The following MRPL1 variants were observed in gnomAD, a reference collection of about 807,000 sequenced individuals.
The protein encoded by MRPL1 is mitochondrial ribosomal protein L1.
In MRPL1, 28 loss-of-function variants were observed where a neutral mutation model predicts 38.0. The observed-to-expected ratio is 0.74, with a 90% CI of 0.55 to 1.01. The LOEUF (loss-of-function observed/expected upper bound fraction) is 1.01. MRPL1 is among the 50% of genes least tolerant of loss of function. The probability of loss-of-function intolerance (pLI) is 0.00; values close to 1 mark genes in which losing one functional copy is unlikely to be tolerated. For synonymous variants in MRPL1, 123 were observed against 126.7 expected (o/e 0.97, Z 0.20); for missense variants, 358 against 389.8 (o/e 0.92, Z 0.69).
rs188253329 is a variant in MRPL1, at chr4:77,867,324, C to T, written c.32-4420C>T. Among the ~76,000 whole-genome samples, 3 of 152,222 alleles carry T rather than the reference C, an allele frequency of 2.0e-5. No individual in the cohort carries two copies. The East Asian group carries it at 5.8e-4, about 29-fold the overall frequency. On this transcript the variant is annotated intron_variant, in intron 1 of 8. Coordinates refer to ENST00000315567, the MANE Select transcript of MRPL1 (RefSeq NM_020236.4). ...TAAATGGATCATCAGAAAAATGGCC[C>T]CTTTCATGTGCTGTAATGCATAATA...
intron 1 of MRPL1, among the ~76,000 whole-genome samples, chr4:77,868,705 T>A (rs1735210600): frequency 6.6e-6 from 1 of 152,228 alleles, no homozygotes; most frequent in South Asian, 2.1e-4. Context: ...TATGAACTAG[T>A]GGAGTGGAAA....
At chr4:77,864,436 G>A (rs1735080150) in intron 1 of MRPL1, 1 of 152,080 alleles carries the variant, frequency 6.6e-6, no homozygotes, top group Admixed American at 6.6e-5. Flanking sequence ...CTCATCCAAA[G>A]TTTGTGGCTT....
At chr4:77,909,504 C>G (rs1736239021) in intron 7 of MRPL1, 132 bp downstream of exon 7, 1 of 592,708 alleles carries the variant, frequency 1.7e-6, no homozygotes, top group Non-Finnish European at 3.0e-6. Flanking sequence ...TGGCATTAAA[C>G]ATACGCATAG....
chr4:77,918,967 A>C (rs56138517), intron 7 of MRPL1, among the ~76,000 whole-genome samples: 33,736 of 152,068 alleles, frequency 0.22, 4,553 homozygotes, highest in African/African-American at 0.37. Context: ...ACCAATGTGA[A>C]ACTAAACTTT....
chr4:77,937,025 T>C (rs748582314), intron 7 of MRPL1, among the ~76,000 whole-genome samples: 4 of 151,768 alleles, frequency 2.6e-5, no homozygotes, highest in Admixed American at 6.6e-5. Flanking sequence ...CTTGAGAGGC[T>C]GAGATAGGAA....
At chr4:77,915,391 A>G (rs1374346445) in intron 7 of MRPL1, among the ~76,000 whole-genome samples, 1 of 152,182 alleles carries the variant, frequency 6.6e-6, no homozygotes, top group Non-Finnish European at 1.5e-5. Context: ...AACATTTGTC[A>G]GCAGTACTTG....
At chr4:77,863,351 A>C (rs1256820204) in intron 1 of MRPL1, among the ~76,000 whole-genome samples, 3 of 152,136 alleles carry the variant, frequency 2.0e-5, no homozygotes, top group Admixed American at 2.0e-4. Context: ...AATTTGGATC[A>C]ACGTTTATCA....
intron 1 of MRPL1, among the ~76,000 whole-genome samples, chr4:77,867,459 G>A (rs1458974430): frequency 6.6e-6 from 1 of 152,212 alleles, no homozygotes; most frequent in Non-Finnish European, 1.5e-5. Context: ...ATACAATGCT[G>A]AACAAGCTAT....
At chr4:77,889,456 A>G (rs577381139) in intron 5 of MRPL1, among the ~76,000 whole-genome samples, 6 of 152,368 alleles carry the variant, frequency 3.9e-5, no homozygotes, top group Middle Eastern at 3.4e-3. Flanking sequence ...ACAACATACC[A>G]GAATCTCTGG....
rs1362587300 is a variant in MRPL1 at position 77,882,732 on chromosome 4, T to C, written c.144-510T>C. On this transcript the variant is annotated intron_variant, in intron 2 of 8. Transcript: ENST00000315567. ...CACATTTTATGTATCCATTCATCAGTTGATAGACATTTGGGTTGTTTCTAC... is the reference window on the plus strand; with the variant it reads ...CACATTTTATGTATCCATTCATCAGCTGATAGACATTTGGGTTGTTTCTAC... Among the ~76,000 whole-genome samples, 4 of 152,242 alleles carry C rather than the reference T, an allele frequency of 2.6e-5. No individual in the cohort carries two copies. The South Asian group carries it at 8.3e-4, about 32-fold the overall frequency.
rs60528813 is a variant in MRPL1, at chr4:77,898,553, A to C, written c.670+4303A>C. Among the ~76,000 whole-genome samples the C allele has an allele frequency of 5.9e-4, 90 of 151,740 alleles. 1 individual carries two copies. The highest frequency in any genetic ancestry group is 2.1e-3 in the African/African-American group (85 of 41,364). On this transcript the variant is annotated intron_variant, in intron 6 of 8. Transcript: ENST00000315567. ...GTTGCCCAGGCTGGAGCGCAGTGGC[A>C]CATCTCGGCTCACTGCAACCTCCCC...
chr4:77,919,556 A>G (rs1056266894), intron 7 of MRPL1, among the ~76,000 whole-genome samples: 5 of 152,104 alleles, frequency 3.3e-5, no homozygotes, highest in Non-Finnish European at 7.4e-5. Context: ...GGTTTCTTTC[A>G]TTTGCTGAGA....
rs555340069 is a variant in MRPL1 at position 77,946,144 on chromosome 4, C to T, written c.778-3653C>T. Among the ~76,000 whole-genome samples the T allele has an allele frequency of 1.9e-4, 29 of 152,092 alleles. 1 individual carries two copies. The South Asian group carries it at 4.8e-3, about 25-fold the overall frequency. On this transcript the variant is annotated intron_variant, in intron 7 of 8. Transcript: ENST00000315567. ...ACTCCCAGAGCGGCCGTTTATAGAC[C>T]TCCCCCCAGGAATGCAATTCTTTTC... is the stretch of plus-strand genomic sequence containing the variant.
chr4:77,883,717 A>G (rs1050180746), intron 3 of MRPL1, among the ~76,000 whole-genome samples: 1 of 152,056 alleles, frequency 6.6e-6, no homozygotes. Flanking sequence ...AGCTGGGACT[A>G]CAGGTGTGTT....
At chr4:77,910,198 C>T (rs2110248492) in intron 7 of MRPL1, among the ~76,000 whole-genome samples, 1 of 152,120 alleles carries the variant, frequency 6.6e-6, no homozygotes, top group East Asian at 1.9e-4. Context: ...GTAACTTTTC[C>T]AAGGTCTCAC....
At chr4:77,909,911 G>C (rs887845263) in intron 7 of MRPL1, among the ~76,000 whole-genome samples, 1 of 152,126 alleles carries the variant, frequency 6.6e-6, no homozygotes, top group African/African-American at 2.4e-5. Context: ...TTCTAGGACT[G>C]TGTTTTAAAA....
At chr4:77,882,654 A>G (rs1241705357) in intron 2 of MRPL1, among the ~76,000 whole-genome samples, 1 of 152,206 alleles carries the variant, frequency 6.6e-6, no homozygotes, top group African/African-American at 2.4e-5. Context: ...AGCATTGATC[A>G]ATATTTCATT....
chr4:77,939,093 A>G (rs1737058517), intron 7 of MRPL1, among the ~76,000 whole-genome samples: 1 of 152,002 alleles, frequency 6.6e-6, no homozygotes, highest in African/African-American at 2.4e-5. Context: ...TTGATTCCCC[A>G]AAGTCCACTA....
intron 7 of MRPL1, among the ~76,000 whole-genome samples, chr4:77,922,780 T>C (rs1166346659): frequency 6.6e-6 from 1 of 152,194 alleles, no homozygotes; most frequent in Non-Finnish European, 1.5e-5. Flanking sequence ...ATAGGAAAGA[T>C]TACAAAGCAG....
Sources: allele counts gnomAD v4.1 joint callset (sites outside exome capture counted in the v4.1 genomes callset), GRCh38; gene constraint gnomAD v4.1.1; transcripts MANE v1.5; gene names NCBI Gene and HGNC (gene_info 2026-07-23, HGNC 2026-07-21).